The following ANKHD1 variants were observed in gnomAD, a reference collection of about 807,000 sequenced individuals.
The protein encoded by ANKHD1 is ankyrin repeat and KH domain-containing protein 1.
Under a neutral mutation model 230.5 loss-of-function variants are expected in ANKHD1, and 31 were observed. The observed-to-expected ratio is 0.13, with a 90% CI of 0.10 to 0.18. ANKHD1 has a LOEUF of 0.18. Ranked by LOEUF, ANKHD1 falls within the 10% of genes least tolerant of loss-of-function variation. ANKHD1 has a pLI of 1.00. For synonymous variants in ANKHD1, 1,074 were observed against 1,117.6 expected (o/e 0.96, Z 0.78); for missense variants, 2,256 against 3,071.3 (o/e 0.73, Z 6.27).
intron 25 of ANKHD1, chr5:140,524,929 T>C: frequency 3.1e-6 from 1 of 326,348 alleles, no homozygotes; most frequent in Admixed American, 3.7e-5. Context: ...TGAAACCCCG[T>C]CTCTACTTAA....
intron 1 of ANKHD1, among the ~76,000 whole-genome samples, chr5:140,421,922 T>G (rs1772014008): frequency 6.6e-6 from 1 of 152,212 alleles, no homozygotes; most frequent in Non-Finnish European, 1.5e-5. Context: ...TTTAGAATTA[T>G]ATGATGATAT....
chr5:140,469,803 T>C (rs1169668619), intron 10 of ANKHD1, among the ~76,000 whole-genome samples: 1 of 151,240 alleles, frequency 6.6e-6, no homozygotes, highest in Non-Finnish European at 1.5e-5. Context: ...CTCATAGTTA[T>C]TTAAATATAT....
chr5:140,428,370 C>G (rs1239302700), intron 1 of ANKHD1, among the ~76,000 whole-genome samples: 2 of 152,258 alleles, frequency 1.3e-5, no homozygotes, highest in Non-Finnish European at 2.9e-5. Context: ...GAACGAGACT[C>G]CGTCTGCAAT....
chr5:140,425,958 GC>G (rs1420346820), intron 1 of ANKHD1, among the ~76,000 whole-genome samples: 1 of 152,146 alleles, frequency 6.6e-6, no homozygotes, highest in African/African-American at 2.4e-5. Flanking sequence ...CCAAAATGGT[GC>G]TGATCCTGAC....
chr5:140,470,611 CTTTTT>C (rs386405120), intron 10 of ANKHD1, among the ~76,000 whole-genome samples: 1 of 71,770 alleles, frequency 1.4e-5, no homozygotes, highest in Admixed American at 2.0e-4. Context: ...CTTGTTTCTG[CTTTTT>C]TTTTTTTTTT....
At chr5:140,428,074 G>T (rs560738334) in intron 1 of ANKHD1, among the ~76,000 whole-genome samples, 3 of 152,108 alleles carry the variant, frequency 2.0e-5, no homozygotes, top group East Asian at 3.9e-4. Context: ...TTCCTAGATG[G>T]GATGGCGGCC....
chr5:140,455,346 C>G (rs953852999), intron 7 of ANKHD1, among the ~76,000 whole-genome samples: 13 of 152,164 alleles, frequency 8.5e-5, no homozygotes, highest in East Asian at 1.9e-4. Flanking sequence ...AAGAGGGAAT[C>G]CTCCCTAACT....
intron 9 of ANKHD1, among the ~76,000 whole-genome samples, chr5:140,464,062 C>G (rs1258690970): frequency 6.6e-6 from 1 of 151,702 alleles, no homozygotes; most frequent in Non-Finnish European, 1.5e-5. Context: ...ATGGTAAAAC[C>G]CTATCTCTAC....
At chr5:140,489,376 G>A (rs972321598) in intron 14 of ANKHD1, among the ~76,000 whole-genome samples, 2 of 151,986 alleles carry the variant, frequency 1.3e-5, no homozygotes, top group Non-Finnish European at 2.9e-5. Flanking sequence ...TGTAGTCCCA[G>A]CTACTCAGGA....
chr5:140,533,091 T>C (rs1358760427), intron 29 of ANKHD1, among the ~76,000 whole-genome samples: 1 of 145,112 alleles, frequency 6.9e-6, no homozygotes, highest in Non-Finnish European at 1.5e-5. Context: ...AGCAAGACTC[T>C]GTCTCCAAAA....
At chr5:140,482,497 T>A in intron 10 of ANKHD1, 83 bp from the exon 11 acceptor site, 2 of 1,474,162 alleles carry the variant, frequency 1.4e-6, no homozygotes. Context: ...ATCCTCGTTA[T>A]TTCTCATTTC....
rs567416167 is a variant in ANKHD1, at chr5:140,492,257, A to T, written c.2246-4263A>T. The stretch of plus-strand genomic sequence containing the variant: ...ATGGATTTACACATGCCCAAATTTG[A>T]TAATATCTTTTAACATATAACTGCT... On this transcript the variant is annotated intron_variant, in intron 14 of 33. Transcript: ENST00000360839. Among the ~76,000 whole-genome samples the T allele has an allele frequency of 1.3e-3, 194 of 152,312 alleles. 1 individual carries two copies. The highest frequency in any genetic ancestry group is 2.3e-3 in the Non-Finnish European group (155 of 68,000).
At chr5:140,523,179 T>A (rs1397581690) in intron 24 of ANKHD1, among the ~76,000 whole-genome samples, 4 of 150,264 alleles carry the variant, frequency 2.7e-5, no homozygotes. Flanking sequence ...GTGACATGAT[T>A]ATAGCTCACT....
Position 140,526,329 on chromosome 5 carries a change from G to A in ANKHD1, c.4826G>A (p.Gly1609Asp), listed in dbSNP as rs1346657024. The A allele has an allele frequency of 6.2e-7, 1 of 1,614,192 alleles. No homozygotes were observed. The highest frequency in any genetic ancestry group is 8.5e-7 in the Non-Finnish European group (1 of 1,180,032). Residue 1609 changes from glycine (G) to aspartate (D), a missense_variant, in exon 26 of 34, where the codon GGT becomes GAT. By Grantham distance (94) the Gly-to-Asp change is moderately conservative. Around this residue, in one of 13 missense-constraint regions of ANKHD1, gnomAD observed 212 missense variants for 257.3 expected, o/e 0.82. Transcript: ENST00000360839. The stretch of plus-strand genomic sequence containing the variant: ...TGCAACAGTGAGAGTAGCAGTGGTG[G>A]TAAAAGCCAAGAGTTAAATTTTGTG... ...TDCNSESSSG[G>D]KSQELNFVMD...
intron 1 of ANKHD1, among the ~76,000 whole-genome samples, chr5:140,407,596 C>T (rs1770573393): frequency 6.6e-6 from 1 of 151,912 alleles, no homozygotes. Context: ...AAAAATGTTG[C>T]CCAGGCTAGT....
At position 140,513,013 on chromosome 5, in the gene ANKHD1, C is replaced by A. The variant is rs938020475; in HGVS notation, c.4200+90C>A. The A allele has an allele frequency of 9.2e-6, 12 of 1,300,226 alleles. No homozygotes were observed. The Admixed American group carries it at 3.1e-4, about 33-fold the overall frequency. 80.5% of individuals were successfully genotyped at this position (1,300,226 alleles called of 1,614,324 possible). A position where few individuals can be genotyped will look rare whatever the true frequency, so the allele number is the denominator to read the frequency against. ...GTTAGGAACTTGTTCTTTTTATATT[C>A]TGAAAGGTTGGTCACCTGATCTCTT... On this transcript the variant is annotated intron_variant, in intron 23 of 33. Transcript: ENST00000360839.
At chr5:140,445,603 GGT>G in intron 5 of ANKHD1, 137 bp from the exon 6 acceptor site, 1 of 801,084 alleles carries the variant, frequency 1.2e-6, no homozygotes, top group Non-Finnish European at 1.7e-6. Context: ...GAATTGAAGA[GGT>G]ATACCTAGAG....
At chr5:140,475,068 T>G (rs1183962029) in intron 10 of ANKHD1, among the ~76,000 whole-genome samples, 1 of 152,206 alleles carries the variant, frequency 6.6e-6, no homozygotes, top group Admixed American at 6.5e-5. Flanking sequence ...CCTAATACAT[T>G]TCTTTTAAAG....
At chr5:140,531,591 A>AT (rs1455356151) in intron 29 of ANKHD1, among the ~76,000 whole-genome samples, 1 of 152,070 alleles carries the variant, frequency 6.6e-6, no homozygotes, top group Non-Finnish European at 1.5e-5. Flanking sequence ...AAAAAAAAAA[A>AT]GTAGTAATAC....
Sources: gnomAD v4.1 joint callset for allele counts (sites outside exome capture counted in the v4.1 genomes callset) on GRCh38, gnomAD v4.1.1 for gene constraint, gnomAD v4.1.1 regional missense constraint, MANE v1.5 for transcripts, NCBI Gene and HGNC (gene_info 2026-07-23, HGNC 2026-07-21) for gene names.